LAMA3: variants seen among roughly 807,000 people sequenced by gnomAD.
LAMA3 encodes the protein laminin subunit alpha-3.
A neutral mutation model predicts 402.0 loss-of-function variants in LAMA3; 281 were observed. The observed-to-expected ratio is 0.70, with a 90% CI of 0.63 to 0.77. The LOEUF (loss-of-function observed/expected upper bound fraction) is 0.77, where lower values mean the gene tolerates loss of function less well. Ranked by LOEUF, LAMA3 falls within the 30% of genes least tolerant of loss-of-function variation. The pLI, the probability that LAMA3 is intolerant of heterozygous loss-of-function variation, is 0.00. For synonymous variants in LAMA3, 1,431 were observed against 1,558.4 expected, an observed-to-expected ratio of 0.92 and a Z score of 1.93; for missense variants, 3,840 against 4,215.5, an observed-to-expected ratio of 0.91 and a Z score of 2.47.
Position 23,926,320 on chromosome 18 carries a change from C to T in LAMA3, c.8178-1803C>T, listed in dbSNP as rs536545764. Among the ~76,000 whole-genome samples, 76 of 152,198 alleles carry T rather than the reference C, an allele frequency of 5.0e-4. 1 individual carries two copies. In the South Asian group the frequency reaches 0.015, roughly 31 times the overall value. ...TTTTCTGCAACCTTCTTTCTTTGAC[C>T]AATAATCTATGGAGAGAGGGACATC... is the stretch of plus-strand genomic sequence containing the variant. On this transcript the variant is annotated intron_variant, in intron 62 of 74. Transcript: ENST00000313654.
At chr18:23,722,840 C>A (rs960901889) in intron 2 of LAMA3, among the ~76,000 whole-genome samples, 2 of 152,100 alleles carry the variant, frequency 1.3e-5, no homozygotes, top group African/African-American at 4.8e-5. Flanking sequence ...TCTTACGATG[C>A]AACTTTGGGT....
intron 12 of LAMA3, among the ~76,000 whole-genome samples, chr18:23,806,167 G>T (rs2144237773): frequency 6.6e-6 from 1 of 152,238 alleles, no homozygotes; most frequent in African/African-American, 2.4e-5. Context: ...CCTTGCTTTT[G>T]GTGGTTTATT....
chr18:23,923,400 G>A (rs2081907451), intron 62 of LAMA3, among the ~76,000 whole-genome samples: 2 of 152,238 alleles, frequency 1.3e-5, no homozygotes, highest in South Asian at 4.1e-4. Flanking sequence ...GGTTATGCAG[G>A]TGAGCAACAG....
At chr18:23,838,952 T>C in intron 26 of LAMA3, 74 bp downstream of exon 26, 2 of 904,924 alleles carry the variant, frequency 2.2e-6, no homozygotes, top group Non-Finnish European at 3.7e-6. Flanking sequence ...TGAAACTTTA[T>C]ACTCAACGTC....
chr18:23,887,967 C>T (rs113956789), intron 41 of LAMA3, among the ~76,000 whole-genome samples: 1 of 152,118 alleles, frequency 6.6e-6, no homozygotes, highest in African/African-American at 2.4e-5. Flanking sequence ...TAATGCTTTG[C>T]AAGAGTAAGG....
rs2145596571 is a variant in LAMA3 at position 23,954,993 on chromosome 18, T to C, written c.*345T>C. ...AAATTAAATATATTTTAAAGCACTT[T>C]AAGAATATGAAACTTTCATATATGT... On this transcript the variant is annotated 3_prime_UTR_variant, in exon 75 of 75. Transcript: ENST00000313654. 1 of 297,232 alleles carries C rather than the reference T, an allele frequency of 3.4e-6. No individual in the cohort carries two copies. The highest frequency in any genetic ancestry group is 8.7e-5 in the East Asian group (1 of 11,498). 18.4% of individuals were successfully genotyped at this position (297,232 alleles called of 1,614,324 possible). A position where few individuals can be genotyped will look rare whatever the true frequency, so the allele number is the denominator to read the frequency against.
intron 37 of LAMA3, among the ~76,000 whole-genome samples, chr18:23,869,481 T>C (rs2064453355): frequency 6.6e-6 from 1 of 152,204 alleles, no homozygotes; most frequent in Admixed American, 6.5e-5. Context: ...ATGATGATGT[T>C]TGCATGCTTC....
At chr18:23,782,027 T>C (rs1287129288) in intron 11 of LAMA3, among the ~76,000 whole-genome samples, 1 of 152,196 alleles carries the variant, frequency 6.6e-6, no homozygotes, top group African/African-American at 2.4e-5. Flanking sequence ...TAGAAAAAAA[T>C]AATTCCACAA....
At chr18:23,892,321 G>A (rs1357130580) in intron 42 of LAMA3, among the ~76,000 whole-genome samples, 1 of 152,032 alleles carries the variant, frequency 6.6e-6, no homozygotes, top group East Asian at 1.9e-4. Context: ...TTCCCAAAAT[G>A]GAAGAAAATG....
At chr18:23,710,174 T>TTCC in intron 1 of LAMA3, 1 of 683,470 alleles carries the variant, frequency 1.5e-6, no homozygotes, top group Non-Finnish European at 2.7e-6. Flanking sequence ...CGTGCAGATC[T>TTCC]TTTTTTGTGT....
rs867533160 is a variant in LAMA3 at position 23,795,734 on chromosome 18, T to A, written c.1603+11577T>A. Reference sequence around the variant, plus strand: ...GGGCTTAAAATATATATATTTTTTTTAATCTATAAACTCTGCTATCTTGTA... The same window carrying A: ...GGGCTTAAAATATATATATTTTTTTAAATCTATAAACTCTGCTATCTTGTA... On this transcript the variant is annotated intron_variant, in intron 12 of 74. Transcript: ENST00000313654. 9.9e-4 allele frequency among the ~76,000 whole-genome samples: 151 copies of A among 151,920 alleles called. 1 individual carries two copies. The highest frequency in any genetic ancestry group is 3.4e-3 in the Middle Eastern group (1 of 292).
intron 2 of LAMA3, among the ~76,000 whole-genome samples, chr18:23,746,883 TAAA>T (rs920353533): frequency 1.5e-4 from 21 of 141,560 alleles, no homozygotes; most frequent in Middle Eastern, 3.6e-3. Context: ...TTCTCAGACT[TAAA>T]AAAAAAAAAC....
intron 34 of LAMA3, among the ~76,000 whole-genome samples, chr18:23,860,939 A>G (rs1002197174): frequency 4.6e-5 from 7 of 151,954 alleles, no homozygotes; most frequent in Non-Finnish European, 8.8e-5. Context: ...TGATCCACCC[A>G]CCTCGGCCTC....
chr18:23,895,005 G>C lies in LAMA3; in HGVS notation c.5560G>C (p.Ala1854Pro), dbSNP rs778590407. The change falls in exon 44 of 75, where the codon GCA becomes CCA. Residue 1854 changes from alanine (A) to proline (P), a missense_variant. Around this residue, in one of 3 missense-constraint regions of LAMA3, gnomAD observed 891 missense variants for 857.5 expected, o/e 1.04. Coordinates refer to ENST00000313654, the MANE Select transcript of LAMA3 (RefSeq NM_198129.4). ...TCAGCTGCAGGGCCTGAGTGCCAGC[G>C]CAGGGCTTCTGGAGCAGATGAGGCA... ...KSQLQGLSAS[A>P]GLLEQMRHME... 1 of 1,612,736 alleles carries C rather than the reference G, an allele frequency of 6.2e-7. No homozygotes were observed. The highest frequency in any genetic ancestry group is 1.7e-5 in the Admixed American group (1 of 59,808).
At chr18:23,787,236 C>T (rs546420241) in intron 12 of LAMA3, among the ~76,000 whole-genome samples, 5 of 152,254 alleles carry the variant, frequency 3.3e-5, no homozygotes, top group South Asian at 2.1e-4. Flanking sequence ...GAGCCAAGAT[C>T]GCACCATTGC....
At chr18:23,820,108 T>G in intron 19 of LAMA3, 111 bp downstream of exon 19, 366 of 1,094,044 alleles carry the variant, frequency 3.3e-4, no homozygotes, top group Non-Finnish European at 4.6e-4. Context: ...GATTCCACGA[T>G]TCTTTTTCTC....
chr18:23,924,543 CTTTT>C (rs66546657), intron 62 of LAMA3, among the ~76,000 whole-genome samples: 7 of 89,098 alleles, frequency 7.9e-5, no homozygotes, highest in African/African-American at 1.4e-4. Context: ...CTTTTTTTTT[CTTTT>C]TTTTTTTTTT....
chr18:23,834,214 T>A (rs2063540164), intron 24 of LAMA3: 1 of 543,562 alleles, frequency 1.8e-6, no homozygotes, highest in Admixed American at 3.0e-5. Context: ...AGCTGTATGC[T>A]GTACTTAGCA....
intron 21 of LAMA3, among the ~76,000 whole-genome samples, chr18:23,824,826 T>C (rs1284972811): frequency 6.6e-6 from 1 of 152,184 alleles, no homozygotes; most frequent in Non-Finnish European, 1.5e-5. Context: ...AAAGGTCTCC[T>C]AAAGACTCTT....
Sources: gnomAD v4.1 joint callset for allele counts (sites outside exome capture counted in the v4.1 genomes callset) on GRCh38, gnomAD v4.1.1 for gene constraint, gnomAD v4.1.1 regional missense constraint, MANE v1.5 for transcripts, NCBI Gene and HGNC (gene_info 2026-07-23, HGNC 2026-07-21) for gene names.